Variants in BORCS5 observed in about 807,000 individuals in gnomAD.
BORCS5 encodes BLOC-1 related complex subunit 5.
Under a neutral mutation model 22.1 loss-of-function variants are expected in BORCS5, and 17 were observed. The ratio of observed to expected loss-of-function variants is 0.77; its 90% CI spans 0.53 to 1.15. The LOEUF (loss-of-function observed/expected upper bound fraction) is 1.15, where lower values mean the gene tolerates loss of function less well. BORCS5 is among the 50% of genes most tolerant of loss of function. The pLI is 0.00. For missense variants in BORCS5, 247 were observed against 253.2 expected (o/e 0.98, Z 0.17); for synonymous variants, 117 against 99.8 (o/e 1.17, Z -1.03).
At chr12:12,369,712 CTTTTTTTTTTTTTTTTT>C (rs71061052) in intron 2 of BORCS5, among the ~76,000 whole-genome samples, 2 of 42,952 alleles carry the variant, frequency 4.7e-5, no homozygotes, top group Non-Finnish European at 7.8e-5. Flanking sequence ...CCCCCCACTT[CTTTTTTTTTTTTTTTTT>C]TTTTTTTTTT....
At chr12:12,393,483 C>T (rs1941250824) in intron 2 of BORCS5, among the ~76,000 whole-genome samples, 1 of 151,872 alleles carries the variant, frequency 6.6e-6, no homozygotes, top group African/African-American at 2.4e-5. Flanking sequence ...TATTTTTCAT[C>T]TAAATGCAGG....
chr12:12,388,290 T>C (rs758321846), intron 2 of BORCS5, among the ~76,000 whole-genome samples: 2 of 151,208 alleles, frequency 1.3e-5, no homozygotes, highest in Admixed American at 6.6e-5. Flanking sequence ...TTCCCAAACA[T>C]ATGGTAGCAG....
intron 2 of BORCS5, among the ~76,000 whole-genome samples, chr12:12,415,714 C>T (rs1941929611): frequency 6.6e-6 from 1 of 151,830 alleles, no homozygotes; most frequent in Non-Finnish European, 1.5e-5. Context: ...TTATATGCTC[C>T]TGAATTTGGT....
chr12:12,405,164 A>G (rs1941567195), intron 2 of BORCS5, among the ~76,000 whole-genome samples: 1 of 152,220 alleles, frequency 6.6e-6, no homozygotes, highest in Non-Finnish European at 1.5e-5. Context: ...AGTTCCAGAG[A>G]GACAACCCAT....
chr12:12,377,235 T>C (rs1863675675), intron 2 of BORCS5, among the ~76,000 whole-genome samples: 1 of 151,014 alleles, frequency 6.6e-6, no homozygotes, highest in Non-Finnish European at 1.5e-5. Context: ...TGGAGTGCAG[T>C]GGTGTGATCT....
At chr12:12,457,774 C>T (rs976012543) in intron 3 of BORCS5, among the ~76,000 whole-genome samples, 1 of 152,228 alleles carries the variant, frequency 6.6e-6, no homozygotes, top group African/African-American at 2.4e-5. Context: ...CTGGCTCAAT[C>T]TTGAACCATT....
intron 2 of BORCS5, among the ~76,000 whole-genome samples, chr12:12,370,925 A>G (rs1565834516): frequency 2.0e-5 from 3 of 151,778 alleles, no homozygotes; most frequent in African/African-American, 7.3e-5. Context: ...ATTTTTCTGT[A>G]TTTTTAGCAG....
At position 12,468,426 on chromosome 12, in the gene BORCS5, A is replaced by C. The variant is rs1943235944; in HGVS notation, c.*2650A>C. ...ATATTTCAGGGATAGGAGTTGTGAA[A>C]GAGCCCTTGGCTGGACGTTTCTAGC... is the stretch of plus-strand genomic sequence containing the variant. On this transcript the variant is annotated 3_prime_UTR_variant, in exon 4 of 4. Transcript: ENST00000314565. The C allele has an allele frequency of 6.6e-6, 1 of 152,222 alleles. No individual in the cohort carries two copies. The highest frequency in any genetic ancestry group is 1.5e-5 in the Non-Finnish European group (1 of 68,044). The allele number at this position is 152,222 out of a possible 1,614,324, so 9.4% of individuals were successfully genotyped here. A position where few individuals can be genotyped will look rare whatever the true frequency, so the allele number is the denominator to read the frequency against.
intron 1 of BORCS5, 36 bp downstream of exon 1, chr12:12,357,545 C>T (rs1332272702): frequency 1.3e-6 from 2 of 1,588,848 alleles, no homozygotes; most frequent in East Asian, 2.3e-5. Flanking sequence ...CTCCAGCCCG[C>T]CCTGTCCCCT....
chr12:12,408,847 AATTTG>A (rs1941650733), intron 2 of BORCS5, among the ~76,000 whole-genome samples: 1 of 152,172 alleles, frequency 6.6e-6, no homozygotes, highest in African/African-American at 2.4e-5. Context: ...TATTGATGGA[AATTTG>A]AATTGTTTCC....
intron 3 of BORCS5, among the ~76,000 whole-genome samples, chr12:12,452,830 T>C (rs1232261049): frequency 2.0e-5 from 3 of 152,150 alleles, no homozygotes; most frequent in Non-Finnish European, 2.9e-5. Flanking sequence ...AGAAAGCACA[T>C]AGTTGACCCT....
intron 3 of BORCS5, among the ~76,000 whole-genome samples, chr12:12,464,754 A>G (rs7303432): frequency 0.33 from 49,762 of 151,934 alleles, 9,761 homozygotes; most frequent in South Asian, 0.51. Flanking sequence ...AGGGCAGCCC[A>G]GAGCCCGCAG....
chr12:12,430,910 C>T (rs928201474), intron 2 of BORCS5, among the ~76,000 whole-genome samples: 14 of 152,156 alleles, frequency 9.2e-5, no homozygotes, highest in African/African-American at 3.4e-4. Context: ...AGAGCGCCCT[C>T]ATTCTTTTCT....
rs78021817 is a variant in BORCS5 at position 12,373,233 on chromosome 12, T to C, written c.202+11884T>C. Among the ~76,000 whole-genome samples the C allele has an allele frequency of 1.6e-3, 246 of 152,258 alleles. 2 individuals carry two copies. Among genetic ancestry groups the C allele is most frequent in the Non-Finnish European group, 2.7e-3 (183 of 68,012 alleles). ...AACCAGGAAGAGTGCCCTCACCAAA[T>C]ATCCAATGTGCTAGCACCTAAATCT... On this transcript the variant is annotated intron_variant, in intron 2 of 3. Transcript: ENST00000314565.
chr12:12,438,382 G>GAAAAAAAAAAAAAAAAAAAAAAA (rs1565915767), intron 3 of BORCS5, among the ~76,000 whole-genome samples: 15 of 106,982 alleles, frequency 1.4e-4, no homozygotes, highest in African/African-American at 6.6e-4. Flanking sequence ...AAAAAAAAAC[G>GAAAAAAAAAAAAAAAAAAAAAAA]AAAAACAACA....
rs1044050917 is a variant in BORCS5 at position 12,466,500 on chromosome 12, C to T, written c.*724C>T. The T allele has an allele frequency of 6.6e-6, 1 of 152,182 alleles. No individual in the cohort carries two copies. Among genetic ancestry groups the T allele is most frequent in the Non-Finnish European group, 1.5e-5 (1 of 68,062 alleles). 9.4% of individuals were successfully genotyped at this position (152,182 alleles called of 1,614,324 possible). A position where few individuals can be genotyped will look rare whatever the true frequency, so the allele number is the denominator to read the frequency against. On this transcript the variant is annotated 3_prime_UTR_variant, in exon 4 of 4. Transcript: ENST00000314565. ...TCTCATTCCACAGACATTTCTTGAA[C>T]CCATTTGATGTGTCCAATATTGTGC...
In BORCS5 at chr12:12,469,829, CTT is replaced by C. The variant is rs1459570255; in HGVS notation, c.*4057_*4058del. On this transcript the variant is annotated 3_prime_UTR_variant, in exon 4 of 4. Transcript: ENST00000314565. ...AAATGAAAACTTTTCTTCTTGTGGA[CTT>C]TTTAGGTATGAAATTTAATCACGAG... 4.6e-5 allele frequency: 7 copies of C among 152,194 alleles called. No individual in the cohort carries two copies. Among genetic ancestry groups the C allele is most frequent in the Non-Finnish European group, 1.0e-4 (7 of 68,040 alleles). 9.4% of individuals were successfully genotyped at this position (152,194 alleles called of 1,614,324 possible). A position where few individuals can be genotyped will look rare whatever the true frequency, so the allele number is the denominator to read the frequency against.
chr12:12,369,448 C>G (rs952925233), intron 2 of BORCS5, among the ~76,000 whole-genome samples: 4 of 152,104 alleles, frequency 2.6e-5, no homozygotes, highest in Non-Finnish European at 2.9e-5. Flanking sequence ...TCTTCATTTT[C>G]TATTTGTGCT....
At chr12:12,416,161 G>T (rs148876081) in intron 2 of BORCS5, among the ~76,000 whole-genome samples, 1 of 151,964 alleles carries the variant, frequency 6.6e-6, no homozygotes, top group Non-Finnish European at 1.5e-5. Flanking sequence ...CCATAGAATC[G>T]GTATTAATGT....
Sources: gnomAD v4.1 joint callset for allele counts (sites outside exome capture counted in the v4.1 genomes callset) on GRCh38, gnomAD v4.1.1 for gene constraint, MANE v1.5 for transcripts, NCBI Gene and HGNC (gene_info 2026-07-23, HGNC 2026-07-21) for gene names.